DMD: variants seen among roughly 807,000 people sequenced by gnomAD.
DMD encodes mutant dystrophin.
Under a neutral mutation model 330.1 loss-of-function variants are expected in DMD, and 63 were observed. The ratio of observed to expected loss-of-function variants is 0.19; its 90% CI spans 0.16 to 0.24. The LOEUF is 0.24. Ranked by LOEUF, DMD falls within the 10% of genes least tolerant of loss-of-function variation. The pLI, the probability that DMD is intolerant of heterozygous loss-of-function variation, is 1.00. For synonymous variants in DMD, 1,223 were observed against 959.8 expected (o/e 1.27, Z -5.07); for missense variants, 3,344 against 2,684.1 (o/e 1.25, Z -5.43).
At chrX:31,376,648 T>G (rs2059900714) in intron 60 of DMD, among the ~76,000 whole-genome samples, 1 of 111,561 alleles carries the variant, frequency 9.0e-6, no homozygotes, top group Non-Finnish European at 1.9e-5. Context: ...TGGAATGAAG[T>G]TATATGAGGA....
chrX:32,198,929 AT>A (rs1312988559), intron 44 of DMD, among the ~76,000 whole-genome samples: 3 of 112,801 alleles, frequency 2.7e-5, no homozygotes, highest in East Asian at 2.8e-4. Context: ...TACAAAAAAA[AT>A]CTAAGCCACC....
chrX:32,909,607 G>A (rs760856945), intron 2 of DMD, among the ~76,000 whole-genome samples: 11 of 111,362 alleles, frequency 9.9e-5, no homozygotes, highest in South Asian at 7.6e-4. Context: ...ATAGTACTCT[G>A]CAACATGCTG....
chrX:32,454,569 A>T, intron 26 of DMD, 93 bp downstream of exon 26: 1 of 713,669 alleles, frequency 1.4e-6, no homozygotes, highest in South Asian at 2.6e-5. Context: ...ACCAGGAAAG[A>T]GCAGACTGTA....
At chrX:31,424,430 T>G (rs2063589914) in intron 60 of DMD, among the ~76,000 whole-genome samples, 1 of 111,602 alleles carries the variant, frequency 9.0e-6, no homozygotes, top group South Asian at 3.8e-4. Flanking sequence ...CATAGTTTAA[T>G]GATTATGGAA....
chrX:32,885,225 G>T (rs1415887073), intron 2 of DMD, among the ~76,000 whole-genome samples: 2 of 111,931 alleles, frequency 1.8e-5, no homozygotes, highest in African/African-American at 6.5e-5. Context: ...GTCAAGGGAA[G>T]CTACCGCATC....
intron 77 of DMD, 176 bp from the exon 78 acceptor site, chrX:31,126,849 C>T: frequency 2.2e-6 from 1 of 446,568 alleles, no homozygotes; most frequent in Non-Finnish European, 3.9e-6. Context: ...CCAAAAGACA[C>T]ATCTAGTCAA....
intron 9 of DMD, among the ~76,000 whole-genome samples, chrX:32,688,304 G>A (rs1187637091): frequency 8.9e-6 from 1 of 111,841 alleles, no homozygotes; most frequent in Non-Finnish European, 1.9e-5. Flanking sequence ...CTGGTATCAA[G>A]AGACAAAAAA....
Position 32,447,242 on chromosome X carries a change from A to T in DMD, c.3786+1214T>A, listed in dbSNP as rs371662925. On this transcript the variant is annotated intron_variant, in intron 27 of 78. Coordinates refer to ENST00000357033, the MANE Select transcript of DMD (RefSeq NM_004006.3). ...CTTGAGACATGTACAGTGCCATCAGATCCCTTCCCTTCCCATTCTTTGTTA... is the reference window on the plus strand; with the variant it reads ...CTTGAGACATGTACAGTGCCATCAGTTCCCTTCCCTTCCCATTCTTTGTTA... 3.6e-4 allele frequency among the ~76,000 whole-genome samples: 40 copies of T among 110,662 alleles called. 1 individual carries two copies. The highest frequency in any genetic ancestry group is 4.6e-3 in the Middle Eastern group (1 of 217).
intron 78 of DMD, among the ~76,000 whole-genome samples, chrX:31,125,443 C>A (rs965042187): frequency 2.7e-5 from 3 of 111,789 alleles, no homozygotes; most frequent in Non-Finnish European, 5.6e-5. Context: ...CATTACGACT[C>A]CTGTGTTTAA....
intron 43 of DMD, among the ~76,000 whole-genome samples, chrX:32,268,170 A>C (rs1276082503): frequency 1.8e-5 from 2 of 110,673 alleles, no homozygotes. Flanking sequence ...CCTCCCTCAC[A>C]TTGCCACAGA....
chrX:31,562,050 T>C (rs1390164385), intron 55 of DMD, among the ~76,000 whole-genome samples: 1 of 112,304 alleles, frequency 8.9e-6, no homozygotes, highest in Non-Finnish European at 1.9e-5. Context: ...ATTAATTTTA[T>C]CTTTTTTATT....
At chrX:32,323,089 G>T (rs773274666) in intron 41 of DMD, among the ~76,000 whole-genome samples, 9 of 111,871 alleles carry the variant, frequency 8.0e-5, no homozygotes, top group Non-Finnish European at 1.5e-4. Flanking sequence ...GGCTGTGTCT[G>T]CACTGAACAT....
chrX:31,910,162 A>G (rs756463416), intron 47 of DMD, among the ~76,000 whole-genome samples: 18 of 109,767 alleles, frequency 1.6e-4, no homozygotes, highest in African/African-American at 5.5e-4. Context: ...TTTCTTAAAT[A>G]TGTGGATGTG....
At chrX:32,022,873 C>T (rs1439508584) in intron 44 of DMD, among the ~76,000 whole-genome samples, 1 of 104,932 alleles carries the variant, frequency 9.5e-6, no homozygotes, top group Non-Finnish European at 1.9e-5. Context: ...GCTCTTGTCG[C>T]CCAGGCTGGA....
At chrX:32,212,729 C>T (rs1405834515) in intron 44 of DMD, among the ~76,000 whole-genome samples, 5 of 111,569 alleles carry the variant, frequency 4.5e-5, no homozygotes, top group Middle Eastern at 9.1e-3. Context: ...TATCATTCAA[C>T]GAATTTAATA....
chrX:32,596,529 T>C (rs943342920), intron 12 of DMD, among the ~76,000 whole-genome samples: 6 of 94,994 alleles, frequency 6.3e-5, no homozygotes. Flanking sequence ...CTCCTACCTA[T>C]GTGCTACTTT....
At chrX:32,810,287 T>A (rs1315569490) in intron 6 of DMD, among the ~76,000 whole-genome samples, 1 of 112,041 alleles carries the variant, frequency 8.9e-6, no homozygotes, top group African/African-American at 3.2e-5. Flanking sequence ...GTCTCGTGGA[T>A]TTCAATACCA....
chrX:32,497,666 T>C (rs2043634708), intron 19 of DMD, among the ~76,000 whole-genome samples: 1 of 112,018 alleles, frequency 8.9e-6, no homozygotes, highest in Admixed American at 9.5e-5. Flanking sequence ...TTATGCCTGA[T>C]TGATGAGACT....
intron 9 of DMD, among the ~76,000 whole-genome samples, chrX:32,673,764 T>A (rs971375053): frequency 2.7e-5 from 3 of 112,222 alleles, no homozygotes; most frequent in Admixed American, 9.5e-5. Context: ...CCCAACCCTG[T>A]GCTGCAAATT....
Sources: gnomAD v4.1 joint callset for allele counts (sites outside exome capture counted in the v4.1 genomes callset) on GRCh38, gnomAD v4.1.1 for gene constraint, MANE v1.5 for transcripts, NCBI Gene and HGNC (gene_info 2026-07-23, HGNC 2026-07-21) for gene names.